The following SLC39A11 variants were observed in gnomAD, a reference collection of about 807,000 sequenced individuals.
SLC39A11 encodes solute carrier family 39 member 11, also known as zinc transporter ZIP11.
A neutral mutation model predicts 36.1 loss-of-function variants in SLC39A11; 33 were observed. The observed-to-expected ratio is 0.91, with a 90% CI of 0.69 to 1.22. The LOEUF (loss-of-function observed/expected upper bound fraction) is 1.22, where lower values mean the gene tolerates loss of function less well. SLC39A11 is among the 50% of genes most tolerant of loss of function. The probability of loss-of-function intolerance (pLI) is 0.00; values close to 1 mark genes in which losing one functional copy is unlikely to be tolerated. For synonymous variants in SLC39A11, 166 were observed against 170.3 expected, an observed-to-expected ratio of 0.97 and a Z score of 0.20; for missense variants, 432 against 430.3, an observed-to-expected ratio of 1.00 and a Z score of -0.03.
Position 72,647,598 on chromosome 17 carries a change from C to T in SLC39A11, c.994G>A (p.Val332Ile), listed in dbSNP as rs143270631. 1.9e-4 allele frequency: 300 copies of T among 1,613,820 alleles called. No individual in the cohort carries two copies. The highest frequency in any genetic ancestry group is 2.2e-4 in the Non-Finnish European group (259 of 1,179,864). ...LGFVVMMSLD[V>I]GLG ...GCGTCTCAGCCCTAGCCCAGGCCAA[C>T]GTCCAGTGACATCATCACTACAAAT... The change falls in exon 10 of 10, where the codon GTT (valine) becomes ATT (isoleucine). Residue 332 changes from valine (V) to isoleucine (I), a missense_variant. By Grantham distance (29) the Val-to-Ile change is conservative. Transcript: ENST00000255559.
intron 7 of SLC39A11, among the ~76,000 whole-genome samples, chr17:72,705,408 T>A (rs2714024): frequency 0.62 from 95,004 of 152,022 alleles, 30,014 homozygotes; most frequent in Admixed American, 0.7. Context: ...TTATCAGTAA[T>A]TTCATAGAAT....
At chr17:72,973,224 C>A (rs931672217) in intron 4 of SLC39A11, among the ~76,000 whole-genome samples, 1 of 152,006 alleles carries the variant, frequency 6.6e-6, no homozygotes, top group Non-Finnish European at 1.5e-5. Flanking sequence ...GAAAACCCTA[C>A]TGCAGCGACT....
intron 4 of SLC39A11, among the ~76,000 whole-genome samples, chr17:72,971,628 C>T (rs71380152): frequency 0.031 from 4,759 of 152,304 alleles, 101 homozygotes; most frequent in Non-Finnish European, 0.045. Flanking sequence ...AGAGCACCAA[C>T]GTGAAGGCGG....
intron 4 of SLC39A11, among the ~76,000 whole-genome samples, chr17:72,960,603 A>G (rs150941989): frequency 1.0e-3 from 154 of 152,220 alleles, no homozygotes; most frequent in African/African-American, 3.5e-3. Flanking sequence ...ACCAACCTGA[A>G]CATGGCGAGA....
In SLC39A11 at chr17:72,967,645, G is replaced by C. The variant is rs768922996; in HGVS notation, c.307-19770C>G. Among the ~76,000 whole-genome samples, 112 of 152,138 alleles carry C rather than the reference G, an allele frequency of 7.4e-4. 4 individuals carry two copies. Among genetic ancestry groups the C allele is most frequent in the South Asian group, 2.1e-4 (1 of 4,822 alleles). On this transcript the variant is annotated intron_variant, in intron 4 of 9. Transcript: ENST00000255559. ...CAACAGCCAGAGGAGAGAGTGCTTT[G>C]CAAAAAACACAAACCCATCAGAGGC...
At chr17:72,913,273 G>A (rs545209324) in intron 5 of SLC39A11, among the ~76,000 whole-genome samples, 18 of 152,122 alleles carry the variant, frequency 1.2e-4, no homozygotes, top group African/African-American at 2.7e-4. Flanking sequence ...TCGACACAGC[G>A]GACACTGTCA....
chr17:73,039,255 G>A (rs992301348), intron 3 of SLC39A11, among the ~76,000 whole-genome samples: 12 of 151,952 alleles, frequency 7.9e-5, no homozygotes, highest in Non-Finnish European at 1.5e-4. Context: ...CCCTCTCCCC[G>A]TATGCCTTCT....
At chr17:72,912,193 A>G (rs1463445673) in intron 5 of SLC39A11, among the ~76,000 whole-genome samples, 3 of 152,016 alleles carry the variant, frequency 2.0e-5, no homozygotes, top group Non-Finnish European at 1.5e-5. Flanking sequence ...AGCCTCTCTG[A>G]GCCCCAATCT....
chr17:72,807,742 G>A (rs1452635337), intron 6 of SLC39A11, among the ~76,000 whole-genome samples: 2 of 152,196 alleles, frequency 1.3e-5, no homozygotes, highest in Admixed American at 1.3e-4. Flanking sequence ...CCATCTGGCT[G>A]TTCCTGAGTT....
intron 5 of SLC39A11, among the ~76,000 whole-genome samples, chr17:72,937,419 C>T (rs2084841480): frequency 6.6e-6 from 1 of 152,130 alleles, no homozygotes; most frequent in East Asian, 1.9e-4. Context: ...TGCGCCACTG[C>T]ACTTCAGTCT....
chr17:72,903,285 A>G (rs1437762140), intron 5 of SLC39A11, among the ~76,000 whole-genome samples: 1 of 150,976 alleles, frequency 6.6e-6, no homozygotes, highest in Non-Finnish European at 1.5e-5. Context: ...AAAAAAAAAA[A>G]AAAAGAAATT....
chr17:72,929,098 C>T (rs1162538406), intron 5 of SLC39A11, among the ~76,000 whole-genome samples: 1 of 152,104 alleles, frequency 6.6e-6, no homozygotes, highest in African/African-American at 2.4e-5. Flanking sequence ...ACAGACCCAG[C>T]CTGGCCCCAG....
At chr17:72,926,107 T>C (rs1457274365) in intron 5 of SLC39A11, among the ~76,000 whole-genome samples, 1 of 152,232 alleles carries the variant, frequency 6.6e-6, no homozygotes, top group Non-Finnish European at 1.5e-5. Context: ...GAAGGAGACA[T>C]AGAGCTCAAT....
chr17:72,782,704 A>C (rs2144903259), intron 6 of SLC39A11, among the ~76,000 whole-genome samples: 1 of 146,322 alleles, frequency 6.8e-6, no homozygotes, highest in Non-Finnish European at 1.5e-5. Context: ...AAAAAAAAAA[A>C]AAAAAAAAAA....
intron 7 of SLC39A11, among the ~76,000 whole-genome samples, chr17:72,672,418 C>T (rs1459124816): frequency 1.3e-5 from 2 of 152,206 alleles, no homozygotes; most frequent in African/African-American, 4.8e-5. Flanking sequence ...CACTGCCCTC[C>T]AGCCTGGGTG....
chr17:72,673,861 A>C (rs1213589822), intron 7 of SLC39A11, among the ~76,000 whole-genome samples: 1 of 152,044 alleles, frequency 6.6e-6, no homozygotes, highest in African/African-American at 2.4e-5. Flanking sequence ...GTCAGGAAGG[A>C]GTTCAAGATG....
intron 3 of SLC39A11, among the ~76,000 whole-genome samples, chr17:73,035,622 G>C (rs557387953): frequency 1.3e-5 from 2 of 152,048 alleles, no homozygotes; most frequent in South Asian, 2.1e-4. Context: ...GGGTCCTTAC[G>C]AAGGAGTGAG....
At chr17:73,044,795 T>C (rs945835936) in intron 3 of SLC39A11, among the ~76,000 whole-genome samples, 5 of 151,024 alleles carry the variant, frequency 3.3e-5, no homozygotes, top group African/African-American at 7.3e-5. Flanking sequence ...GAGAATCACT[T>C]GAACCTGGGA....
chr17:72,654,197 C>T lies in SLC39A11; in HGVS notation c.672-4929G>A, dbSNP rs189520156. On this transcript the variant is annotated intron_variant, in intron 7 of 9. Transcript: ENST00000255559. ...CTTCCTCACCTTGAAAGGTCCTAGG[C>T]TCCCCTCTTCTGCTGCTCTGCCAGG... 3.9e-5 allele frequency among the ~76,000 whole-genome samples: 6 copies of T among 152,252 alleles called. No individual in the cohort carries two copies. The East Asian group carries it at 1.2e-3, about 29-fold the overall frequency.
Sources: gnomAD v4.1 joint callset for allele counts (sites outside exome capture counted in the v4.1 genomes callset) on GRCh38, gnomAD v4.1.1 for gene constraint, MANE v1.5 for transcripts, NCBI Gene and HGNC (gene_info 2026-07-23, HGNC 2026-07-21) for gene names.